BCL2: variants seen among roughly 807,000 people sequenced by gnomAD.
BCL2 encodes the protein BCL2 apoptosis regulator, also known as apoptosis regulator Bcl-2.
Under a neutral mutation model 14.2 loss-of-function variants are expected in BCL2, and 1 was observed. The observed-to-expected ratio is 0.07, with a 90% CI of 0.02 to 0.33. The LOEUF (loss-of-function observed/expected upper bound fraction) is 0.33, where lower values mean the gene tolerates loss of function less well. Among genes scored for constraint, BCL2 ranks in the 10% least tolerant of loss-of-function variants. BCL2 has a pLI of 0.99. For missense variants in BCL2, 247 were observed against 305.9 expected (o/e 0.81, Z 1.44); for synonymous variants, 151 against 137.2 (o/e 1.10, Z -0.70).
rs182463201 is a variant in BCL2 at position 63,301,050 on chromosome 18, C to A, written c.585+17032G>T. Among the ~76,000 whole-genome samples the A allele has an allele frequency of 8.9e-4, 136 of 152,268 alleles. 1 individual carries two copies. The highest frequency in any genetic ancestry group is 1.5e-5 in the Non-Finnish European group (1 of 68,022). On this transcript the variant is annotated intron_variant, in intron 2 of 2. Coordinates refer to ENST00000333681, the MANE Select transcript of BCL2 (RefSeq NM_000633.3). The stretch of plus-strand genomic sequence containing the variant: ...TTCAGCCTTAAAAAGGAATGAAATT[C>A]TGATGCATGCCATGACATGGGTGAA...
chr18:63,136,244 C>T (rs1914203510), intron 2 of BCL2, among the ~76,000 whole-genome samples: 1 of 152,178 alleles, frequency 6.6e-6, no homozygotes, highest in Admixed American at 6.5e-5. Flanking sequence ...TATATCCAGT[C>T]TCACTTTCTC....
intron 2 of BCL2, among the ~76,000 whole-genome samples, chr18:63,169,409 T>TTCTTTCTTTTTCTTTCTC (rs1915168443): frequency 8.9e-6 from 1 of 112,656 alleles, no homozygotes; most frequent in African/African-American, 4.2e-5. Flanking sequence ...TTCTTTTTCT[T>TTCTTTCTTTTTCTTTCTC]TCTCTCTCTC....
At chr18:63,155,354 G>A (rs1045973354) in intron 2 of BCL2, among the ~76,000 whole-genome samples, 1 of 152,170 alleles carries the variant, frequency 6.6e-6, no homozygotes, top group African/African-American at 2.4e-5. Context: ...GTGAGAAACT[G>A]TACAGCAAGT....
intron 2 of BCL2, among the ~76,000 whole-genome samples, chr18:63,208,682 G>A (rs1909913326): frequency 6.6e-6 from 1 of 152,180 alleles, no homozygotes; most frequent in Non-Finnish European, 1.5e-5. Flanking sequence ...TTTGTGAAGG[G>A]TTTTAACTAT....
chr18:63,299,354 T>C (rs1430122650), intron 2 of BCL2, among the ~76,000 whole-genome samples: 1 of 152,234 alleles, frequency 6.6e-6, no homozygotes, highest in Admixed American at 6.5e-5. Context: ...TGATTCTACC[T>C]TAGAACACCT....
intron 2 of BCL2, among the ~76,000 whole-genome samples, chr18:63,194,790 A>G (rs1909398510): frequency 6.6e-6 from 1 of 152,214 alleles, no homozygotes; most frequent in African/African-American, 2.4e-5. Context: ...ATTAATGGGA[A>G]AAGTCTGATC....
chr18:63,163,862 G>A (rs1297592176), intron 2 of BCL2, among the ~76,000 whole-genome samples: 2 of 152,208 alleles, frequency 1.3e-5, no homozygotes, highest in South Asian at 2.1e-4. Context: ...CTCAAACTCT[G>A]GCAATCTGGC....
At position 63,298,462 on chromosome 18, in the gene BCL2, C is replaced by G. The variant is rs558908793; in HGVS notation, c.585+19620G>C. ...AGCTATGTTGATGGCAAGCTCCAGG[C>G]AAGGTGCAAATAGCTACCTCTAAAT... On this transcript the variant is annotated intron_variant, in intron 2 of 2. Coordinates refer to ENST00000333681, the MANE Select transcript of BCL2 (RefSeq NM_000633.3). Among the ~76,000 whole-genome samples, 4 of 152,310 alleles carry G rather than the reference C, an allele frequency of 2.6e-5. No homozygotes were observed. In the East Asian group the frequency reaches 7.7e-4, roughly 29 times the overall value.
chr18:63,312,832 T>A (rs1051329788), intron 2 of BCL2, among the ~76,000 whole-genome samples: 1 of 152,256 alleles, frequency 6.6e-6, no homozygotes, highest in African/African-American at 2.4e-5. Context: ...TTAAAAAGAA[T>A]TAATGAAATG....
intron 2 of BCL2, among the ~76,000 whole-genome samples, chr18:63,211,814 C>T (rs188797877): frequency 6.6e-6 from 1 of 152,356 alleles, no homozygotes; most frequent in Admixed American, 6.5e-5. Context: ...ACGCAAAGGT[C>T]CCCTGCGGCA....
intron 2 of BCL2, among the ~76,000 whole-genome samples, chr18:63,195,981 T>G (rs1909433806): frequency 6.6e-6 from 1 of 152,222 alleles, no homozygotes; most frequent in African/African-American, 2.4e-5. Flanking sequence ...GAATAAGAGT[T>G]TGTTAGCATT....
At chr18:63,157,333 A>G (rs2144614837) in intron 2 of BCL2, among the ~76,000 whole-genome samples, 1 of 152,206 alleles carries the variant, frequency 6.6e-6, no homozygotes, top group Non-Finnish European at 1.5e-5. Flanking sequence ...CATCCAAACA[A>G]GGATTTGGGA....
In BCL2 at chr18:63,203,706, A is replaced by G. The variant is rs4987784; in HGVS notation, c.586-74947T>C. Reference sequence around the variant, plus strand: ...CACACGCACACACACACACACATACACACACATAATGGGGCCAATTATACT... The same window carrying G: ...CACACGCACACACACACACACATACGCACACATAATGGGGCCAATTATACT... On this transcript the variant is annotated intron_variant, in intron 2 of 2. Coordinates refer to ENST00000333681, the MANE Select transcript of BCL2 (RefSeq NM_000633.3). Among the ~76,000 whole-genome samples the G allele has an allele frequency of 1.1e-4, 16 of 151,920 alleles. No individual in the cohort carries two copies. In the East Asian group the frequency reaches 2.3e-3, roughly 22 times the overall value.
At chr18:63,193,487 T>C (rs986246501) in intron 2 of BCL2, among the ~76,000 whole-genome samples, 1 of 152,114 alleles carries the variant, frequency 6.6e-6, no homozygotes, top group Non-Finnish European at 1.5e-5. Flanking sequence ...GCAGTATTTG[T>C]CCTTCTGTGA....
chr18:63,284,969 G>C lies in BCL2; in HGVS notation c.585+33113C>G, dbSNP rs4987732. The stretch of plus-strand genomic sequence containing the variant: ...GCAGACGCCAGGAAAAAAATGGAAA[G>C]GGGGAGTCAGGCATGGAAGGTTTCA... On this transcript the variant is annotated intron_variant, in intron 2 of 2. Transcript: ENST00000333681. Among the ~76,000 whole-genome samples, 492 of 152,274 alleles carry C rather than the reference G, an allele frequency of 3.2e-3. 4 individuals carry two copies. The highest frequency in any genetic ancestry group is 5.8e-3 in the Non-Finnish European group (394 of 68,022).
intron 2 of BCL2, among the ~76,000 whole-genome samples, chr18:63,280,810 G>T (rs565835215): frequency 1.3e-5 from 2 of 152,236 alleles, no homozygotes; most frequent in South Asian, 4.2e-4. Context: ...ATTACAATAG[G>T]ATCCAGAAAT....
intron 2 of BCL2, among the ~76,000 whole-genome samples, chr18:63,262,818 GT>G (rs1447733962): frequency 6.6e-6 from 1 of 152,178 alleles, no homozygotes; most frequent in Non-Finnish European, 1.5e-5. Flanking sequence ...CCAAACTGCT[GT>G]CCCCAAATAA....
intron 2 of BCL2, among the ~76,000 whole-genome samples, chr18:63,137,037 A>C (rs1305260385): frequency 6.6e-6 from 1 of 152,116 alleles, no homozygotes; most frequent in Non-Finnish European, 1.5e-5. Context: ...CCTCTGTCTG[A>C]GTCTTGTGCT....
In BCL2 at chr18:63,260,657, C is replaced by T. The variant is rs534380824; in HGVS notation, c.585+57425G>A. Among the ~76,000 whole-genome samples, 14 of 151,978 alleles carry T rather than the reference C, an allele frequency of 9.2e-5. No individual in the cohort carries two copies. In the South Asian group the frequency reaches 2.7e-3, roughly 29 times the overall value. ...ACTAATGAGGCTCTGCGTTATGAAA[C>T]AAACTCACGAGAGAAAGGTGATATC... On this transcript the variant is annotated intron_variant, in intron 2 of 2. Coordinates refer to ENST00000333681, the MANE Select transcript of BCL2 (RefSeq NM_000633.3).
Sources: allele counts gnomAD v4.1 joint callset (sites outside exome capture counted in the v4.1 genomes callset), GRCh38; gene constraint gnomAD v4.1.1; transcripts MANE v1.5; gene names NCBI Gene and HGNC (gene_info 2026-07-23, HGNC 2026-07-21).